Variants in COMMD5 observed in about 807,000 individuals in gnomAD.
COMMD5 encodes COMM domain-containing protein 5.
In COMMD5, 10 loss-of-function variants were observed where a neutral mutation model predicts 6.9. The ratio of observed to expected loss-of-function variants is 1.44; its 90% CI spans 0.89 to 2.45. The LOEUF is 2.45. Among genes scored for constraint, COMMD5 ranks in the 30% most tolerant of loss-of-function variants. The pLI is 0.00. For synonymous variants in COMMD5, 127 were observed against 125.3 expected (o/e 1.01, Z -0.09); for missense variants, 234 against 287.8 (o/e 0.81, Z 1.35).
At chr8:144,843,413 C>A (rs1398593477) in intron 1 of COMMD5, 4 of 378,248 alleles carry the variant, frequency 1.1e-5, no homozygotes, top group Non-Finnish European at 1.9e-5. Context: ...CAGGTGAAAC[C>A]CCATCTCTAC....
downstream of COMMD5, chr8:144,838,314 A>C: frequency 3.4e-6 from 2 of 585,410 alleles, no homozygotes; most frequent in South Asian, 4.1e-5. Context: ...GTTTCCAAAC[A>C]AGGTCACATT....
chr8:144,843,050 A>G (rs1586844486), intron 1 of COMMD5: 1 of 1,614,188 alleles, frequency 6.2e-7, no homozygotes, highest in Non-Finnish European at 8.5e-7. Context: ...TGGCGTTCAC[A>G]CCTAATTATA....
At chr8:144,840,733 C>A (rs1252628490), downstream of COMMD5, among the ~76,000 whole-genome samples, 1 of 152,148 alleles carries the variant, frequency 6.6e-6, no homozygotes, top group Non-Finnish European at 1.5e-5. Context: ...TGGCCACGCA[C>A]AGCCCAGGGA....
downstream of COMMD5, among the ~76,000 whole-genome samples, chr8:144,847,747 A>C (rs567464509): frequency 5.6e-4 from 86 of 152,352 alleles, no homozygotes; most frequent in African/African-American, 1.8e-3. Flanking sequence ...AGCTCAGGAC[A>C]GTGCCACAGG....
rs1207606912 is a variant in COMMD5, at chr8:144,851,171, G to C, written c.168C>G (p.Val56=). 1 of 1,613,558 alleles carries C rather than the reference G, an allele frequency of 6.2e-7. No individual in the cohort carries two copies. The highest frequency in any genetic ancestry group is 1.7e-5 in the Admixed American group (1 of 60,014). The part of the protein sequence containing the change: ...STFRKLLKFV[V]SSLQGEDCRE... Reference sequence around the variant, plus strand: ...GGCAGTCCTCCCCCTGCAGGCTGCTGACCACAAACTTCAGCAACTTTCTGA... The same window carrying C: ...GGCAGTCCTCCCCCTGCAGGCTGCTCACCACAAACTTCAGCAACTTTCTGA... The change falls in exon 2 of 2, where the codon GTC becomes GTG. Residue 56 remains valine, a synonymous_variant. Coordinates refer to ENST00000305103, the MANE Select transcript of COMMD5 (RefSeq NM_014066.4).
Position 144,841,679 on chromosome 8 carries a change from C to T in COMMD5, c.*181G>A, listed in dbSNP as rs762537877. 92 of 1,614,002 alleles carry T rather than the reference C, an allele frequency of 5.7e-5. No homozygotes were observed. Among genetic ancestry groups the T allele is most frequent in the South Asian group, 2.0e-4 (18 of 91,082 alleles). ...CCTCTTGAAAGTCAGGGAGAGAGTG[C>T]GGAAGGGATGTCCCAGAGATGCGAG... is the stretch of plus-strand genomic sequence containing the variant. On this transcript the variant is annotated 3_prime_UTR_variant and NMD_transcript_variant, in exon 2 of 2. Transcript: ENST00000530332.
At chr8:144,851,741 C>T (rs750284412) in intron 1 of COMMD5, among the ~76,000 whole-genome samples, 6 of 152,138 alleles carry the variant, frequency 3.9e-5, no homozygotes, top group African/African-American at 7.2e-5. Flanking sequence ...AGGGACACTG[C>T]AGCTGGCGCC....
chr8:144,841,853 C>A, intron 1 of COMMD5: 1 of 1,614,128 alleles, frequency 6.2e-7, no homozygotes, highest in East Asian at 2.2e-5. Flanking sequence ...GGAGAGAAGC[C>A]GTACGAATGT....
chr8:144,841,631 G>A, exon 2 of COMMD5: 1 of 1,614,234 alleles, frequency 6.2e-7, no homozygotes, highest in East Asian at 2.2e-5. Context: ...AAGGAGCTGG[G>A]AAGCAGCGGC....
downstream of COMMD5, among the ~76,000 whole-genome samples, chr8:144,840,568 T>G (rs976389942): frequency 7.2e-5 from 11 of 152,170 alleles, no homozygotes; most frequent in African/African-American, 2.7e-4. Context: ...CAAGGAGATG[T>G]CTGACCTCAG....
downstream of COMMD5, among the ~76,000 whole-genome samples, chr8:144,845,429 G>A (rs183827459): frequency 5.1e-4 from 78 of 152,224 alleles, no homozygotes; most frequent in Non-Finnish European, 1.0e-3. Context: ...AGTGGCCCAG[G>A]TGGAGCACGG....
chr8:144,848,081 C>T (rs1219624961), downstream of COMMD5, among the ~76,000 whole-genome samples: 2 of 152,050 alleles, frequency 1.3e-5, no homozygotes, highest in Non-Finnish European at 1.5e-5. Context: ...TGTGGTGGCT[C>T]ATTGCTGTAA....
At chr8:144,843,418 C>T (rs899695138) in intron 1 of COMMD5, 1 of 354,206 alleles carries the variant, frequency 2.8e-6, no homozygotes. Context: ...GAAACCCCAT[C>T]TCTACTAAAA....
At chr8:144,846,675 A>G (rs1412490097), downstream of COMMD5, 2 of 154,738 alleles carry the variant, frequency 1.3e-5, no homozygotes, top group African/African-American at 4.8e-5. Flanking sequence ...CAGGTTAGAT[A>G]TTAGCCACGG....
intron 1 of COMMD5, among the ~76,000 whole-genome samples, chr8:144,844,726 A>AAAC (rs1563850648): frequency 0.02 from 1,200 of 60,808 alleles, 32 homozygotes; most frequent in African/African-American, 0.072. Context: ...AAAAAAAAAA[A>AAAC]AAAAAAAAAA....
At chr8:144,849,346 C>T (rs1395140069), downstream of COMMD5, among the ~76,000 whole-genome samples, 1 of 152,178 alleles carries the variant, frequency 6.6e-6, no homozygotes, top group Non-Finnish European at 1.5e-5. Context: ...CACAAGCATG[C>T]ACCTTAGAGG....
chr8:144,846,177 GA>G (rs1287741384), downstream of COMMD5: 5 of 1,536,034 alleles, frequency 3.3e-6, no homozygotes, highest in African/African-American at 6.8e-5. Flanking sequence ...TGGATGGTCT[GA>G]AAATTCCAGA....
At chr8:144,841,352 C>A (rs375375229) in exon 2 of COMMD5, 2 of 1,595,952 alleles carry the variant, frequency 1.3e-6, no homozygotes, top group African/African-American at 1.3e-5. Flanking sequence ...CTGTTTATTT[C>A]AGATTCTACG....
downstream of COMMD5, among the ~76,000 whole-genome samples, chr8:144,849,014 G>A (rs1563854098): frequency 6.6e-6 from 1 of 152,204 alleles, no homozygotes; most frequent in African/African-American, 2.4e-5. Flanking sequence ...GAGAGACGGC[G>A]AGAGGTCAGC....
Sources: gnomAD v4.1 joint callset for allele counts (sites outside exome capture counted in the v4.1 genomes callset) on GRCh38, gnomAD v4.1.1 for gene constraint, MANE v1.5 for transcripts, NCBI Gene and HGNC (gene_info 2026-07-23, HGNC 2026-07-21) for gene names.